The following MAPK8IP3 variants were observed in gnomAD, a reference collection of about 807,000 sequenced individuals.
MAPK8IP3 encodes mitogen-activated protein kinase 8 interacting protein 3.
MAPK8IP3 carries 49 observed loss-of-function variants against 157.8 expected under a neutral mutation model. The ratio of observed to expected loss-of-function variants is 0.31; its 90% confidence interval spans 0.25 to 0.39. The LOEUF (loss-of-function observed/expected upper bound fraction) is 0.39. Among genes scored for constraint, MAPK8IP3 ranks in the 10% least tolerant of loss-of-function variants. MAPK8IP3 has a pLI of 1.00. For synonymous variants in MAPK8IP3, 897 were observed against 777.7 expected (o/e 1.15, Z -2.55); for missense variants, 1,478 against 1,889.4 (o/e 0.78, Z 4.04).
chr16:1,733,544 G>A (rs1319551871), intron 4 of MAPK8IP3, among the ~76,000 whole-genome samples: 1 of 152,260 alleles, frequency 6.6e-6, no homozygotes, highest in African/African-American at 2.4e-5. Flanking sequence ...CTCTCATGGT[G>A]TGGGGCAGAA....
intron 1 of MAPK8IP3, among the ~76,000 whole-genome samples, chr16:1,711,151 C>G (rs566078818): frequency 2.6e-5 from 4 of 152,336 alleles, no homozygotes; most frequent in Admixed American, 2.0e-4. Flanking sequence ...TTTTAAAAAC[C>G]ATTTTGAAAT....
At chr16:1,760,312 CT>C in intron 11 of MAPK8IP3, 67 bp from the exon 12 acceptor site, 1 of 1,543,654 alleles carries the variant, frequency 6.5e-7, no homozygotes, top group Non-Finnish European at 8.8e-7. Flanking sequence ...GCAGGCGCCC[CT>C]GGCAAGGCCC....
intron 6 of MAPK8IP3, 108 bp downstream of exon 6, chr16:1,747,383 G>C (rs137946324): frequency 6.9e-7 from 1 of 1,459,416 alleles, no homozygotes; most frequent in East Asian, 2.4e-5. Flanking sequence ...CAGCAGAGAC[G>C]TGTTCCTCAC....
At chr16:1,719,668 CAAA>C (rs58680997) in intron 1 of MAPK8IP3, among the ~76,000 whole-genome samples, 92 of 51,116 alleles carry the variant, frequency 1.8e-3, no homozygotes, top group African/African-American at 4.7e-3. Flanking sequence ...CCCATCTCTA[CAAA>C]AAAAAAAAAA....
chr16:1,731,694 A>G (rs921632780), intron 4 of MAPK8IP3, among the ~76,000 whole-genome samples: 1 of 152,246 alleles, frequency 6.6e-6, no homozygotes, highest in African/African-American at 2.4e-5. Flanking sequence ...CAGCCACCCT[A>G]TATTTCCAAC....
At chr16:1,739,667 CG>C (rs2040493929) in intron 4 of MAPK8IP3, among the ~76,000 whole-genome samples, 1 of 94,926 alleles carries the variant, frequency 1.1e-5, no homozygotes. Context: ...TCTGTGTGAC[CG>C]TTCGTGTGAG....
At position 1,710,267 on chromosome 16, in the gene MAPK8IP3, A is replaced by C. The variant is rs1029932108; in HGVS notation, c.318+3610A>C. On this transcript the variant is annotated intron_variant, in intron 1 of 31. Transcript: ENST00000610761. This position sits in a 1 kb window ranked among gnomAD's most constrained non-coding sequence, Gnocchi z 4.1. ...CATCTCAGGTCAGGAGTTTGAGACC[A>C]GCCTGGCGAACCTGGCGAAACCCTG... Among the ~76,000 whole-genome samples, 2 of 151,574 alleles carry C rather than the reference A, an allele frequency of 1.3e-5. No homozygotes were observed. Among genetic ancestry groups the C allele is most frequent in the Non-Finnish European group, 2.9e-5 (2 of 67,948 alleles).
intron 2 of MAPK8IP3, among the ~76,000 whole-genome samples, chr16:1,728,283 G>A (rs183856261): frequency 1.3e-5 from 2 of 152,334 alleles, no homozygotes; most frequent in East Asian, 1.9e-4. Context: ...AGCCCAGAAG[G>A]CACATAGTCA....
intron 24 of MAPK8IP3, 43 bp from the exon 25 acceptor site, chr16:1,766,861 G>T: frequency 6.2e-7 from 1 of 1,611,144 alleles, no homozygotes; most frequent in Non-Finnish European, 8.5e-7. Flanking sequence ...GAGGGGGCTG[G>T]CACAGCCTGG....
At chr16:1,744,663 T>G (rs1251695227) in intron 5 of MAPK8IP3, 1 of 985,390 alleles carries the variant, frequency 1.0e-6, no homozygotes, top group Admixed American at 6.1e-5. Context: ...CACGTCAGCC[T>G]CAGCCGGGGG....
In MAPK8IP3 at chr16:1,768,282, G is replaced by A. The variant is rs1325615975; in HGVS notation, c.3646G>A (p.Ala1216Thr). ...GTATGGCGATGACAGCAGTGACAGG[G>A]CGGCCAGCAGCTTCATCCCCTACTG... ...HVYGDDSSDR[A>T]ASSFIPYCSM... Residue 1216 changes from alanine (A) to threonine (T), a missense_variant, in exon 30 of 32, where the codon GCG becomes ACG. Physicochemically the swap from Ala to Thr is moderately conservative, Grantham distance 58. Around this residue, in one of 11 missense-constraint regions of MAPK8IP3, gnomAD observed 83 missense variants for 85.3 expected, o/e 0.97. Coordinates refer to ENST00000610761, the MANE Select transcript of MAPK8IP3 (RefSeq NM_001318852.2). 1.2e-6 allele frequency: 2 copies of A among 1,611,344 alleles called. No homozygotes were observed. Among genetic ancestry groups the A allele is most frequent in the East Asian group, 4.5e-5 (2 of 44,874 alleles).
At chr16:1,745,753 A>C (rs2040924083) in intron 5 of MAPK8IP3, 1 of 152,262 alleles carries the variant, frequency 6.6e-6, no homozygotes, top group Non-Finnish European at 1.5e-5. Context: ...GAGAATAGCT[A>C]CTATAGAGGA....
At position 1,724,614 on chromosome 16, in the gene MAPK8IP3, G is replaced by A. The variant is rs1483324873; in HGVS notation, c.376G>A (p.Val126Met). 1.1e-5 allele frequency: 17 copies of A among 1,613,698 alleles called. No individual in the cohort carries two copies. The highest frequency in any genetic ancestry group is 1.7e-4 in the Middle Eastern group (1 of 6,058). The change falls in exon 2 of 32, where the codon GTG becomes ATG. Residue 126 changes from valine to methionine, a missense_variant. This residue lies in a region of MAPK8IP3 where 65 missense variants were observed against 161.8 expected (regional missense o/e 0.40). Transcript: ENST00000610761. This position sits in a 1 kb window ranked among gnomAD's most constrained non-coding sequence, Gnocchi z 4.1. ...AGAGAAGAAAGAGCTGCAAATCCAG[G>A]TGGAGCACTACGAGTTCCAGACGCG... ...EQEKKELQIQ[V>M]EHYEFQTRQL... is the part of the protein sequence containing the mutation.
At position 1,744,996 on chromosome 16, in the gene MAPK8IP3, G is replaced by A. The variant is rs374267309; in HGVS notation, c.747+1520G>A. 4.4e-5 allele frequency: 43 copies of A among 985,272 alleles called. No individual in the cohort carries two copies. The South Asian group carries it at 1.8e-3, about 42-fold the overall frequency. 61.0% of individuals were successfully genotyped at this position (985,272 alleles called of 1,614,324 possible). A position where few individuals can be genotyped will look rare whatever the true frequency, so the allele number is the denominator to read the frequency against. Reference sequence around the variant, plus strand: ...TTTTCAGTGTTTTAACCAAACAGTTGTGGCTACTCATGGTGAGGAATGACC... The same window carrying A: ...TTTTCAGTGTTTTAACCAAACAGTTATGGCTACTCATGGTGAGGAATGACC... On this transcript the variant is annotated intron_variant, in intron 5 of 31. Transcript: ENST00000610761.
intron 2 of MAPK8IP3, 127 bp from the exon 3 acceptor site, chr16:1,729,011 G>A (rs2039106494): frequency 1.2e-6 from 1 of 838,132 alleles, no homozygotes; most frequent in Non-Finnish European, 2.0e-6. Flanking sequence ...CCGGGCTGCT[G>A]CTGGTTGCCT....
chr16:1,732,454 C>T (rs2039376118), intron 4 of MAPK8IP3, among the ~76,000 whole-genome samples: 1 of 152,256 alleles, frequency 6.6e-6, no homozygotes, highest in Admixed American at 6.5e-5. Flanking sequence ...TCAGACTCTG[C>T]TTCCGAGTCT....
intron 4 of MAPK8IP3, among the ~76,000 whole-genome samples, chr16:1,738,185 C>CAT (rs2040203269): frequency 1.9e-5 from 1 of 53,230 alleles, no homozygotes; most frequent in Admixed American, 2.7e-4. Flanking sequence ...TGTGAGCGTC[C>CAT]GTGAGCGTGT....
chr16:1,712,972 G>C (rs2037892516), intron 1 of MAPK8IP3, among the ~76,000 whole-genome samples: 2 of 152,234 alleles, frequency 1.3e-5, no homozygotes, highest in Admixed American at 1.3e-4. Flanking sequence ...CATTCAGCCT[G>C]AGCCTGTTGT....
chr16:1,745,957 T>G (rs1037915273), intron 5 of MAPK8IP3: 1 of 152,298 alleles, frequency 6.6e-6, no homozygotes, highest in African/African-American at 2.4e-5. Context: ...TCTGCCCTGG[T>G]CACTTAAAGG....
Sources: gnomAD v4.1 joint callset for allele counts (sites outside exome capture counted in the v4.1 genomes callset) on GRCh38, gnomAD v4.1.1 for gene constraint, gnomAD v4.1.1 regional missense constraint, Gnocchi (gnomAD v3.1) non-coding constraint, MANE v1.5 for transcripts, NCBI Gene and HGNC (gene_info 2026-07-23, HGNC 2026-07-21) for gene names.